The following PXDNL variants were observed in gnomAD, a reference collection of about 807,000 sequenced individuals.
PXDNL encodes peroxidasin like.
PXDNL carries 145 observed loss-of-function variants against 150.8 expected under a neutral mutation model. The observed-to-expected ratio is 0.96, with a 90% CI of 0.84 to 1.10. The LOEUF (loss-of-function observed/expected upper bound fraction) is 1.10. Among genes scored for constraint, PXDNL ranks in the 50% least tolerant of loss-of-function variants. The pLI, the probability that PXDNL is intolerant of heterozygous loss-of-function variation, is 0.00. For missense variants in PXDNL, 2,087 were observed against 1,873.9 expected (o/e 1.11, Z -2.10); for synonymous variants, 757 against 725.7 (o/e 1.04, Z -0.69).
intron 3 of PXDNL, among the ~76,000 whole-genome samples, chr8:51,591,706 C>T (rs1813447703): frequency 6.6e-6 from 1 of 152,002 alleles, no homozygotes; most frequent in South Asian, 2.1e-4. Context: ...GCAAGCTCCG[C>T]CTCCTGGGTT....
intron 19 of PXDNL, among the ~76,000 whole-genome samples, chr8:51,365,090 A>C (rs1395193537): frequency 2.0e-5 from 3 of 151,978 alleles, no homozygotes; most frequent in Non-Finnish European, 4.4e-5. Context: ...ACAGGCACCC[A>C]CCACACCCAG....
chr8:51,684,369 T>A (rs976788120), intron 1 of PXDNL, among the ~76,000 whole-genome samples: 1 of 152,206 alleles, frequency 6.6e-6, no homozygotes, highest in Non-Finnish European at 1.5e-5. Context: ...AAGGCATTAA[T>A]TCCAGGATAG....
At chr8:51,374,475 G>C (rs748333344) in intron 18 of PXDNL, 122 bp downstream of exon 18, 10 of 889,302 alleles carry the variant, frequency 1.1e-5, no homozygotes, top group Non-Finnish European at 1.7e-5. Flanking sequence ...AATGCTATCT[G>C]ATATTCATTA....
chr8:51,410,605 G>T (rs565665874), intron 16 of PXDNL, among the ~76,000 whole-genome samples: 1 of 152,158 alleles, frequency 6.6e-6, no homozygotes, highest in Non-Finnish European at 1.5e-5. Flanking sequence ...GAAAGGGTAA[G>T]CCAATAGAAA....
At chr8:51,767,879 C>A (rs983032601) in intron 1 of PXDNL, among the ~76,000 whole-genome samples, 1 of 152,190 alleles carries the variant, frequency 6.6e-6, no homozygotes, top group Non-Finnish European at 1.5e-5. Flanking sequence ...TAACACGTTA[C>A]AGAGATAATT....
At chr8:51,352,806 G>A (rs568104300) in intron 19 of PXDNL, among the ~76,000 whole-genome samples, 423 of 152,280 alleles carry the variant, frequency 2.8e-3, no homozygotes, top group Non-Finnish European at 4.2e-3. Context: ...TTTCAGCAAT[G>A]TGGATGGAAC....
At chr8:51,502,955 T>C (rs1811218141) in intron 4 of PXDNL, among the ~76,000 whole-genome samples, 1 of 152,230 alleles carries the variant, frequency 6.6e-6, no homozygotes, top group Non-Finnish European at 1.5e-5. Flanking sequence ...CTATGTGTTT[T>C]ATTATCCACA....
chr8:51,345,283 T>G (rs996122241), intron 20 of PXDNL, among the ~76,000 whole-genome samples: 2 of 152,168 alleles, frequency 1.3e-5, no homozygotes, highest in Non-Finnish European at 2.9e-5. Flanking sequence ...AGGGAGAAAC[T>G]TTTTAAGGCA....
chr8:51,575,188 G>A (rs1342457840), intron 3 of PXDNL, among the ~76,000 whole-genome samples: 1 of 151,764 alleles, frequency 6.6e-6, no homozygotes, highest in Non-Finnish European at 1.5e-5. Context: ...GATACTTGAG[G>A]AGAATGTGAT....
chr8:51,761,816 A>G (rs965881133), intron 1 of PXDNL, among the ~76,000 whole-genome samples: 19 of 152,368 alleles, frequency 1.2e-4, no homozygotes, highest in Admixed American at 7.8e-4. Flanking sequence ...AAATCATTTC[A>G]CTTGCTAGAT....
At chr8:51,348,952 T>C (rs746809620) in intron 19 of PXDNL, among the ~76,000 whole-genome samples, 3 of 152,188 alleles carry the variant, frequency 2.0e-5, no homozygotes, top group Non-Finnish European at 4.4e-5. Context: ...TTGCAAATAA[T>C]AGGGTCATTA....
chr8:51,566,111 T>G (rs1043115431), intron 3 of PXDNL, among the ~76,000 whole-genome samples: 6 of 151,920 alleles, frequency 3.9e-5, no homozygotes, highest in African/African-American at 1.2e-4. Flanking sequence ...TTACATTATC[T>G]GATTTTCAAA....
Position 51,426,712 on chromosome 8 carries a change from A to G in PXDNL, c.1572T>C (p.Val524=). The part of the protein sequence containing the change: ...TQLPQDTSVE[V]GKNINISCHA... ...GACATGAAATGTTTATATTCTTTCC[A>G]ACCTCGACACTTGTATCCTGAGGAA... The change falls in exon 13 of 23, where the codon GTT becomes GTC. Residue 524 remains valine, a synonymous_variant. Coordinates refer to ENST00000356297, the MANE Select transcript of PXDNL (RefSeq NM_144651.5). 1 of 1,607,868 alleles carries G rather than the reference A, an allele frequency of 6.2e-7. No homozygotes were observed. Among genetic ancestry groups the G allele is most frequent in the Non-Finnish European group, 8.5e-7 (1 of 1,176,562 alleles).
At chr8:51,514,539 T>A (rs534474217) in intron 4 of PXDNL, among the ~76,000 whole-genome samples, 1 of 152,228 alleles carries the variant, frequency 6.6e-6, no homozygotes, top group Non-Finnish European at 1.5e-5. Flanking sequence ...TTATCTGTAA[T>A]GCACCAATCC....
chr8:51,602,076 G>A (rs146173147), intron 2 of PXDNL, among the ~76,000 whole-genome samples: 8 of 151,802 alleles, frequency 5.3e-5, no homozygotes, highest in Non-Finnish European at 7.4e-5. Flanking sequence ...TTGCAAGGCC[G>A]TTAGCCTGAT....
chr8:51,556,682 C>T (rs1326830962), intron 4 of PXDNL, among the ~76,000 whole-genome samples, 158 bp downstream of exon 4: 1 of 152,162 alleles, frequency 6.6e-6, no homozygotes, highest in Non-Finnish European at 1.5e-5. Context: ...CTCAATCATA[C>T]ATTCTGATTT....
In PXDNL at chr8:51,409,215, G is replaced by C. The variant is rs765869662; in HGVS notation, c.2409C>G (p.Leu803=). The change falls in exon 17 of 23, where the codon CTC becomes CTG. Residue 803 remains leucine (L), a synonymous_variant. Transcript: ENST00000356297. ...VTPDHSYTRM[L]MHWGWFLEHD... ...GCTCTAGAAACCAGCCCCAGTGCAT[G>C]AGCATGCGCGTGTAGCTGTGGTCGG... 2 of 1,571,718 alleles carry C rather than the reference G, an allele frequency of 1.3e-6. No individual in the cohort carries two copies. The highest frequency in any genetic ancestry group is 1.4e-5 in the African/African-American group (1 of 73,936).
At chr8:51,446,488 T>C (rs543753133) in intron 12 of PXDNL, among the ~76,000 whole-genome samples, 1 of 152,320 alleles carries the variant, frequency 6.6e-6, no homozygotes, top group Non-Finnish European at 1.5e-5. Flanking sequence ...TTGATTTTTT[T>C]CCCTTTTTAT....
At chr8:51,737,736 T>C (rs552909764) in intron 1 of PXDNL, among the ~76,000 whole-genome samples, 11 of 133,454 alleles carry the variant, frequency 8.2e-5, no homozygotes, top group African/African-American at 2.8e-4. Flanking sequence ...CAGTTATCTT[T>C]CTGCAAAGTT....
Sources: gnomAD v4.1 joint callset for allele counts (sites outside exome capture counted in the v4.1 genomes callset) on GRCh38, gnomAD v4.1.1 for gene constraint, MANE v1.5 for transcripts, NCBI Gene and HGNC (gene_info 2026-07-23, HGNC 2026-07-21) for gene names.